The following DDX60 variants were observed in gnomAD, a reference collection of about 807,000 sequenced individuals.
DDX60 encodes probable ATP-dependent RNA helicase DDX60.
Under a neutral mutation model 212.8 loss-of-function variants are expected in DDX60, and 165 were observed. The observed-to-expected ratio is 0.78, with a 90% CI of 0.68 to 0.88. The LOEUF is 0.88. Ranked by LOEUF, DDX60 falls within the 40% of genes least tolerant of loss-of-function variation. The probability of loss-of-function intolerance (pLI) is 0.00; values close to 1 mark genes in which losing one functional copy is unlikely to be tolerated. For missense variants in DDX60, 1,905 were observed against 2,003.9 expected (o/e 0.95, Z 0.94); for synonymous variants, 703 against 685.3 (o/e 1.03, Z -0.40).
At chr4:168,290,057 C>T (rs541885900) in intron 8 of DDX60, among the ~76,000 whole-genome samples, 1 of 152,190 alleles carries the variant, frequency 6.6e-6, no homozygotes. Context: ...TATCAAGTTA[C>T]ATCTGTATTT....
intron 37 of DDX60, among the ~76,000 whole-genome samples, chr4:168,218,214 CAG>C (rs1410577410): frequency 6.6e-6 from 1 of 152,174 alleles, no homozygotes; most frequent in African/African-American, 2.4e-5. Flanking sequence ...TTCTGAGTTA[CAG>C]ACTTATCATT....
chr4:168,258,941 T>C (rs552071257), intron 25 of DDX60, among the ~76,000 whole-genome samples: 1 of 152,174 alleles, frequency 6.6e-6, no homozygotes, highest in African/African-American at 2.4e-5. Context: ...AAAACCTTGT[T>C]AAACTAACTC....
At chr4:168,280,682 G>A in intron 13 of DDX60, 92 bp from the exon 14 acceptor site, 1 of 1,370,068 alleles carries the variant, frequency 7.3e-7, no homozygotes, top group Admixed American at 2.5e-5. Context: ...GTGTATTGAA[G>A]ACTTTGACCA....
intron 33 of DDX60, among the ~76,000 whole-genome samples, chr4:168,234,920 CTCTT>C (rs1329657278): frequency 2.0e-5 from 3 of 152,082 alleles, no homozygotes; most frequent in Admixed American, 1.3e-4. Flanking sequence ...TGCTTTGTCT[CTCTT>C]TCTAGGTCAT....
intron 9 of DDX60, 94 bp downstream of exon 9, chr4:168,288,080 T>C (rs1579054654): frequency 5.0e-6 from 4 of 802,620 alleles, no homozygotes; most frequent in Non-Finnish European, 1.9e-6. Context: ...CTATGTTATA[T>C]GTTGGAAGTA....
chr4:168,220,792 A>G (rs1733025021), intron 36 of DDX60, 75 bp from the exon 37 acceptor site: 1 of 797,426 alleles, frequency 1.3e-6, no homozygotes, highest in East Asian at 3.3e-5. Context: ...TAAATGCTGA[A>G]TTTATCAGTA....
intron 6 of DDX60, among the ~76,000 whole-genome samples, chr4:168,296,943 G>A (rs1411785857): frequency 1.3e-5 from 2 of 150,686 alleles, no homozygotes; most frequent in Non-Finnish European, 2.9e-5. Flanking sequence ...CATGATCTGG[G>A]CCCACAGGAA....
At chr4:168,297,920 GTAA>G (rs1278450920) in intron 6 of DDX60, among the ~76,000 whole-genome samples, 1 of 150,748 alleles carries the variant, frequency 6.6e-6, no homozygotes, top group Non-Finnish European at 1.5e-5. Flanking sequence ...TAAAATAATA[GTAA>G]TAATGATAAT....
chr4:168,237,480 T>A, intron 31 of DDX60, 53 bp from the exon 32 acceptor site: 4 of 1,483,002 alleles, frequency 2.7e-6, no homozygotes, highest in Non-Finnish European at 3.6e-6. Context: ...ACATAATAAG[T>A]AACTTATTAA....
intron 26 of DDX60, 24 bp from the exon 27 acceptor site, chr4:168,252,680 AT>A (rs1389622315): frequency 1.3e-6 from 2 of 1,546,122 alleles, no homozygotes; most frequent in Non-Finnish European, 1.8e-6. Flanking sequence ...TAAAATTTTA[AT>A]TAATGAAATT....
chr4:168,251,514 T>C (rs935063014), intron 27 of DDX60, among the ~76,000 whole-genome samples: 5 of 152,200 alleles, frequency 3.3e-5, no homozygotes, highest in South Asian at 2.1e-4. Flanking sequence ...CTACTTCCCA[T>C]TGAAACTGAG....
chr4:168,242,014 G>A (rs1733857821), intron 30 of DDX60, among the ~76,000 whole-genome samples: 1 of 152,180 alleles, frequency 6.6e-6, no homozygotes, highest in African/African-American at 2.4e-5. Flanking sequence ...TGACTAAAAG[G>A]GGACAAGGTA....
At chr4:168,325,467 C>A in the DDX60 span, among the ~76,000 whole-genome samples, 1 of 152,090 alleles carries the variant, frequency 6.6e-6, no homozygotes, top group Non-Finnish European at 1.5e-5. Context: ...CAGAAATAAA[C>A]CTATGGTATT....
At chr4:168,232,240 T>C (rs1196494917) in intron 33 of DDX60, among the ~76,000 whole-genome samples, 1 of 152,044 alleles carries the variant, frequency 6.6e-6, no homozygotes, top group Non-Finnish European at 1.5e-5. Flanking sequence ...TTGAAACACA[T>C]ATCATGCTCA....
chr4:168,245,412 C>T (rs1733987354), intron 30 of DDX60, among the ~76,000 whole-genome samples: 2 of 152,036 alleles, frequency 1.3e-5, no homozygotes, highest in Admixed American at 1.3e-4. Context: ...TTTTAAGAGT[C>T]CCATATGTGA....
chr4:168,308,300 T>C (rs975068534), intron 3 of DDX60, 105 bp from the exon 4 acceptor site: 2 of 672,910 alleles, frequency 3.0e-6, no homozygotes, highest in African/African-American at 3.7e-5. Context: ...ATAGCTAAAT[T>C]TGCTGAGTTG....
Position 168,284,807 on chromosome 4 carries a change from T to C in DDX60, c.1561+13A>G. On this transcript the variant is annotated intron_variant, in intron 12 of 37. Transcript: ENST00000393743. The stretch of plus-strand genomic sequence containing the variant: ...TAGATTTAAATTTATATCACTGGAG[T>C]CACAGAGCTTACCATCAAACTGACA... 1.5e-6 allele frequency: 2 copies of C among 1,318,390 alleles called. No homozygotes were observed. Among genetic ancestry groups the C allele is most frequent in the Non-Finnish European group, 2.1e-6 (2 of 956,538 alleles). 81.7% of individuals were successfully genotyped at this position (1,318,390 alleles called of 1,614,324 possible). A position where few individuals can be genotyped will look rare whatever the true frequency, so the allele number is the denominator to read the frequency against.
At chr4:168,243,028 C>T (rs573109594) in intron 30 of DDX60, among the ~76,000 whole-genome samples, 2 of 152,226 alleles carry the variant, frequency 1.3e-5, no homozygotes, top group African/African-American at 4.8e-5. Flanking sequence ...GAGGAGTTCC[C>T]TTGCACAAGC....
intron 2 of DDX60, 38 bp downstream of exon 2, chr4:168,311,218 T>C (rs1194484487): frequency 5.0e-6 from 8 of 1,604,654 alleles, no homozygotes; most frequent in Non-Finnish European, 6.0e-6. Context: ...AGGGTAACAT[T>C]GTTTTATAAT....
Sources: gnomAD v4.1 joint callset for allele counts (sites outside exome capture counted in the v4.1 genomes callset) on GRCh38, gnomAD v4.1.1 for gene constraint, MANE v1.5 for transcripts, NCBI Gene and HGNC (gene_info 2026-07-23, HGNC 2026-07-21) for gene names.